GPC5: variants seen among roughly 807,000 people sequenced by gnomAD.
GPC5 encodes the protein glypican 5.
In GPC5, 47 loss-of-function variants were observed where a neutral mutation model predicts 53.9. The ratio of observed to expected loss-of-function variants is 0.87; its 90% CI spans 0.69 to 1.11. GPC5 has a LOEUF of 1.11. GPC5 is among the 50% of genes most tolerant of loss of function. GPC5 has a pLI of 0.00. For missense variants in GPC5, 748 were observed against 713.1 expected (o/e 1.05, Z -0.56); for synonymous variants, 286 against 263.3 (o/e 1.09, Z -0.84).
chr13:91,693,966 G>A (rs1223901575), intron 3 of GPC5, 85 bp downstream of exon 3: 7 of 1,017,598 alleles, frequency 6.9e-6, no homozygotes, highest in Non-Finnish European at 1.0e-5. Flanking sequence ...GTAGGAGAAT[G>A]TGTCTGTTGA....
intron 7 of GPC5, among the ~76,000 whole-genome samples, chr13:92,698,135 A>G (rs554530323): frequency 7.2e-5 from 11 of 152,146 alleles, no homozygotes; most frequent in Admixed American, 1.3e-4. Context: ...ATCGATGTTC[A>G]TCAGGGATAT....
At chr13:91,941,804 T>C (rs983070122) in intron 6 of GPC5, among the ~76,000 whole-genome samples, 8 of 152,202 alleles carry the variant, frequency 5.3e-5, no homozygotes, top group African/African-American at 1.7e-4. Flanking sequence ...ATTTGATTGG[T>C]AATAAATGTG....
chr13:92,036,587 A>G (rs2040894872), intron 6 of GPC5, among the ~76,000 whole-genome samples: 1 of 152,192 alleles, frequency 6.6e-6, no homozygotes, highest in Non-Finnish European at 1.5e-5. Context: ...ATTTTGCTTC[A>G]AACTTTATTT....
At position 91,901,717 on chromosome 13, in the gene GPC5, T is replaced by C. The variant is rs151330827; in HGVS notation, c.1281-6220T>C. Among the ~76,000 whole-genome samples the C allele has an allele frequency of 3.6e-3, 549 of 152,158 alleles. 8 individuals are homozygous for C. The highest frequency in any genetic ancestry group is 0.013 in the African/African-American group (528 of 41,558). On this transcript the variant is annotated intron_variant, in intron 5 of 7. Coordinates refer to ENST00000377067, the MANE Select transcript of GPC5 (RefSeq NM_004466.6). The stretch of plus-strand genomic sequence containing the variant: ...CAGTTCACCTTCACTGATGAATAGA[T>C]ACAACATATTTCCCAGACCTCCTTT...
chr13:92,470,431 G>A (rs1878864089), intron 7 of GPC5, among the ~76,000 whole-genome samples: 1 of 151,906 alleles, frequency 6.6e-6, no homozygotes, highest in South Asian at 2.1e-4. Context: ...TGTTACATAG[G>A]TATATATGTG....
At chr13:91,493,022 A>G (rs1346192985) in intron 2 of GPC5, among the ~76,000 whole-genome samples, 10 of 152,126 alleles carry the variant, frequency 6.6e-5, no homozygotes, top group Admixed American at 6.5e-4. Flanking sequence ...CTGTTTCTCA[A>G]TCACTCATGA....
chr13:92,085,362 G>T (rs1449619229), intron 6 of GPC5, among the ~76,000 whole-genome samples: 1 of 152,180 alleles, frequency 6.6e-6, no homozygotes, highest in African/African-American at 2.4e-5. Flanking sequence ...TACTGTGAAT[G>T]ATTTCTAAAA....
At chr13:92,350,462 C>A (rs967230542) in intron 7 of GPC5, among the ~76,000 whole-genome samples, 1 of 152,036 alleles carries the variant, frequency 6.6e-6, no homozygotes, top group Non-Finnish European at 1.5e-5. Context: ...ACATGTTCTC[C>A]CTTACGTGTA....
intron 7 of GPC5, among the ~76,000 whole-genome samples, chr13:92,858,178 G>T (rs752027696): frequency 2.6e-5 from 4 of 152,114 alleles, no homozygotes; most frequent in Non-Finnish European, 4.4e-5. Context: ...ATTCCCCTGT[G>T]TCATGGGAGG....
At chr13:92,501,198 A>G (rs1474157533) in intron 7 of GPC5, among the ~76,000 whole-genome samples, 4 of 152,180 alleles carry the variant, frequency 2.6e-5, no homozygotes, top group African/African-American at 9.7e-5. Flanking sequence ...AACAAGCTAT[A>G]ATAAAATATT....
At chr13:92,837,235 C>T (rs1233885989) in intron 7 of GPC5, among the ~76,000 whole-genome samples, 1 of 152,110 alleles carries the variant, frequency 6.6e-6, no homozygotes, top group African/African-American at 2.4e-5. Context: ...GATATACCAA[C>T]CAAAATTACA....
rs71123426 is a variant in GPC5 at position 92,658,924 on chromosome 13, G to GTTTTTTTTTT, written c.1562-207345_1562-207336dup. 8.3e-4 allele frequency: 71 copies of GTTTTTTTTTT among 85,628 alleles called. 1 individual carries two copies. Among genetic ancestry groups the GTTTTTTTTTT allele is most frequent in the African/African-American group, 2.4e-3 (59 of 24,272 alleles). The allele number at this position is 85,628 out of a possible 1,614,324, so 5.3% of individuals were successfully genotyped here. On this transcript the variant is annotated intron_variant, in intron 7 of 7. Transcript: ENST00000377067. ...GACAAAGAAAAGTTGTATATGTTTT[G>GTTTTTTTTTT]TTTTTTTTTTTTTTTTTTTTTTGAG...
intron 5 of GPC5, among the ~76,000 whole-genome samples, chr13:91,798,763 C>T (rs2038088039): frequency 6.6e-6 from 1 of 152,110 alleles, no homozygotes; most frequent in Non-Finnish European, 1.5e-5. Context: ...AATGGTATTT[C>T]TGCCTCTAGA....
chr13:92,370,799 T>G (rs1397145392), intron 7 of GPC5, among the ~76,000 whole-genome samples: 1 of 152,192 alleles, frequency 6.6e-6, no homozygotes, highest in East Asian at 1.9e-4. Context: ...TGGAAATTCA[T>G]ATTGTTTTCT....
chr13:92,026,813 C>G (rs967339579), intron 6 of GPC5, among the ~76,000 whole-genome samples: 10 of 152,040 alleles, frequency 6.6e-5, no homozygotes, highest in Admixed American at 5.2e-4. Flanking sequence ...AATAGGAAAA[C>G]TAGCTCTGTG....
chr13:91,900,126 TA>T (rs1247883941), intron 5 of GPC5, among the ~76,000 whole-genome samples: 1 of 152,176 alleles, frequency 6.6e-6, no homozygotes, highest in Non-Finnish European at 1.5e-5. Context: ...ATATGAAATT[TA>T]ATTCGTGCTT....
rs12871407 is a variant in GPC5 at position 92,385,233 on chromosome 13, T to C, written c.1561+240244T>C. Among the ~76,000 whole-genome samples, 1,414 of 150,510 alleles carry C rather than the reference T, an allele frequency of 9.4e-3. 23 individuals are homozygous for C. The highest frequency in any genetic ancestry group is 0.052 in the Middle Eastern group (15 of 286). On this transcript the variant is annotated intron_variant, in intron 7 of 7. Coordinates refer to ENST00000377067, the MANE Select transcript of GPC5 (RefSeq NM_004466.6). The stretch of plus-strand genomic sequence containing the variant: ...TATTATATTTCAACTATTATGACAA[T>C]AGTAGTAAGTTTTGAATTTGGCTCT...
At chr13:92,538,955 C>CAT (rs1239812097) in intron 7 of GPC5, among the ~76,000 whole-genome samples, 1 of 56,720 alleles carries the variant, frequency 1.8e-5, no homozygotes, top group Non-Finnish European at 3.4e-5. Context: ...ATATATACAC[C>CAT]ATATATATAT....
intron 5 of GPC5, among the ~76,000 whole-genome samples, chr13:91,816,113 G>C (rs2138818294): frequency 6.6e-6 from 1 of 152,268 alleles, no homozygotes; most frequent in South Asian, 2.1e-4. Flanking sequence ...TTAGCAAGGA[G>C]AGGCTTCATT....
Sources: allele counts gnomAD v4.1 joint callset (sites outside exome capture counted in the v4.1 genomes callset), GRCh38; gene constraint gnomAD v4.1.1; transcripts MANE v1.5; gene names NCBI Gene and HGNC (gene_info 2026-07-23, HGNC 2026-07-21).